Variants in IMMP2L observed in about 807,000 individuals in gnomAD.
IMMP2L encodes inner mitochondrial membrane peptidase subunit 2, also known as mitochondrial inner membrane protease subunit 2.
IMMP2L carries 18 observed loss-of-function variants against 19.3 expected under a neutral mutation model. The ratio of observed to expected loss-of-function variants is 0.93; its 90% CI spans 0.64 to 1.38. IMMP2L has a LOEUF of 1.38. Among genes scored for constraint, IMMP2L ranks in the 40% most tolerant of loss-of-function variants. The pLI is 0.00. For synonymous variants in IMMP2L, 76 were observed against 73.0 expected (o/e 1.04, Z -0.21); for missense variants, 233 against 218.2 (o/e 1.07, Z -0.43).
intron 3 of IMMP2L, among the ~76,000 whole-genome samples, chr7:111,196,513 G>A (rs942047159): frequency 1.3e-5 from 2 of 152,036 alleles, no homozygotes; most frequent in Non-Finnish European, 2.9e-5. Flanking sequence ...GATTATGGAG[G>A]ACACTAAGAG....
chr7:111,260,158 A>G (rs190568610), intron 3 of IMMP2L, among the ~76,000 whole-genome samples: 1 of 152,334 alleles, frequency 6.6e-6, no homozygotes, highest in East Asian at 1.9e-4. Flanking sequence ...GTTATTTGTT[A>G]TCATGATCAA....
chr7:110,750,927 T>C (rs1259040892), intron 5 of IMMP2L, among the ~76,000 whole-genome samples: 2 of 152,074 alleles, frequency 1.3e-5, no homozygotes, highest in Non-Finnish European at 2.9e-5. Flanking sequence ...GAACAAAATA[T>C]TGAAATTTTA....
At chr7:111,222,806 C>A (rs1351703516) in intron 3 of IMMP2L, among the ~76,000 whole-genome samples, 1 of 151,944 alleles carries the variant, frequency 6.6e-6, no homozygotes, top group African/African-American at 2.4e-5. Flanking sequence ...TACCAAAGAC[C>A]TGGCAATTCC....
chr7:110,718,790 T>G (rs537366629), intron 5 of IMMP2L, among the ~76,000 whole-genome samples: 1 of 152,278 alleles, frequency 6.6e-6, no homozygotes, highest in Non-Finnish European at 1.5e-5. Context: ...GAGCCTCAGA[T>G]GCAGATAGAG....
chr7:111,476,118 C>G (rs1056329343), intron 3 of IMMP2L, among the ~76,000 whole-genome samples: 3 of 152,214 alleles, frequency 2.0e-5, no homozygotes, highest in Admixed American at 2.0e-4. Context: ...GTCTGTACCT[C>G]TTATTCTGCA....
At chr7:111,039,431 C>T (rs1791668048) in intron 3 of IMMP2L, among the ~76,000 whole-genome samples, 1 of 152,126 alleles carries the variant, frequency 6.6e-6, no homozygotes, top group African/African-American at 2.4e-5. Flanking sequence ...ATAAATATTA[C>T]ACTTATGACA....
At chr7:111,544,384 T>C (rs1434676855) in intron 1 of IMMP2L, among the ~76,000 whole-genome samples, 1 of 151,956 alleles carries the variant, frequency 6.6e-6, no homozygotes, top group Admixed American at 6.6e-5. Flanking sequence ...ACCCTAGAAC[T>C]TAAAGTATAA....
At chr7:111,164,305 C>T (rs754634786) in intron 3 of IMMP2L, among the ~76,000 whole-genome samples, 5 of 152,002 alleles carry the variant, frequency 3.3e-5, no homozygotes, top group Non-Finnish European at 5.9e-5. Context: ...CAAGGTAGAG[C>T]TCTGGGAAAT....
At position 111,332,560 on chromosome 7, in the gene IMMP2L, CA is replaced by C. The variant is rs1825983421; in HGVS notation, c.239+154677del. The stretch of plus-strand genomic sequence containing the variant: ...AAACTATAAGAGATGCCAGAAGTCC[CA>C]AAAAGAACACTAATAATAGGAGATT... On this transcript the variant is annotated intron_variant, in intron 3 of 5. Transcript: ENST00000405709. 3.3e-5 allele frequency among the ~76,000 whole-genome samples: 5 copies of C among 151,856 alleles called. 1 individual carries two copies. The South Asian group carries it at 1.0e-3, about 32-fold the overall frequency.
chr7:111,210,645 A>C (rs1244567519), intron 3 of IMMP2L, among the ~76,000 whole-genome samples: 1 of 152,178 alleles, frequency 6.6e-6, no homozygotes, highest in Admixed American at 6.5e-5. Context: ...TAGAAAAAAA[A>C]ATACTACATC....
At position 111,539,127 on chromosome 7, in the gene IMMP2L, AAAGAAAAGG is replaced by A. The variant is rs1330870376; in HGVS notation, c.-2-17687_-2-17679del. Among the ~76,000 whole-genome samples the A allele has an allele frequency of 3.1e-4, 39 of 123,986 alleles. 2 individuals are homozygous for A. The highest frequency in any genetic ancestry group is 1.2e-3 in the African/African-American group (37 of 30,460). The allele number at this position is 123,986 out of a possible 152,430, so 81.3% of individuals were successfully genotyped here. On this transcript the variant is annotated intron_variant, in intron 1 of 5. Coordinates refer to ENST00000405709, the MANE Select transcript of IMMP2L (RefSeq NM_032549.4). ...AACAAGACTCCATCTCACAAAAAGAAAAGAAAAGGAAGGAAGGAAGGAAGGAAGGAAGGA... is the reference window on the plus strand; with the variant it reads ...AACAAGACTCCATCTCACAAAAAGAAAAGGAAGGAAGGAAGGAAGGAAGGA...
At chr7:111,398,253 A>C (rs1833067262) in intron 3 of IMMP2L, among the ~76,000 whole-genome samples, 1 of 152,182 alleles carries the variant, frequency 6.6e-6, no homozygotes, top group Non-Finnish European at 1.5e-5. Context: ...ACCTAATCCA[A>C]CAACATATCA....
intron 5 of IMMP2L, among the ~76,000 whole-genome samples, chr7:110,672,604 G>T (rs1791997123): frequency 6.6e-6 from 1 of 152,150 alleles, no homozygotes. Flanking sequence ...AAGCAAGTTA[G>T]TTACGTCCTA....
At chr7:111,329,737 A>T (rs922106180) in intron 3 of IMMP2L, among the ~76,000 whole-genome samples, 1 of 151,928 alleles carries the variant, frequency 6.6e-6, no homozygotes, top group African/African-American at 2.4e-5. Context: ...TTCGAATTAC[A>T]TAAAACAAAA....
chr7:111,402,995 CCCCCCCCCACCCCGCCAG>C (rs1833579505), intron 3 of IMMP2L, among the ~76,000 whole-genome samples: 1 of 92,094 alleles, frequency 1.1e-5, no homozygotes, highest in African/African-American at 4.7e-5. Context: ...GCCTTGACCC[CCCCCCCCCACCCCGCCAG>C]GCTCAGGTGA....
At chr7:111,539,214 GAAAGAAAGAAAGAA>G (rs1848261736) in intron 1 of IMMP2L, among the ~76,000 whole-genome samples, 16 of 94,938 alleles carry the variant, frequency 1.7e-4, no homozygotes, top group Admixed American at 3.1e-4. Flanking sequence ...AAGAAAGAAA[GAAAGAAAGAAAGAA>G]AGAAAGAAAG....
chr7:111,522,502 C>T (rs1344725504), intron 1 of IMMP2L, among the ~76,000 whole-genome samples: 2 of 152,038 alleles, frequency 1.3e-5, no homozygotes, highest in African/African-American at 4.8e-5. Flanking sequence ...AAGAGCTTAA[C>T]AATAATTTCT....
chr7:111,554,631 A>G (rs1444184387), intron 1 of IMMP2L, among the ~76,000 whole-genome samples: 2 of 151,554 alleles, frequency 1.3e-5, no homozygotes, highest in Non-Finnish European at 2.9e-5. Context: ...TATTATTATT[A>G]TTATTATTTG....
rs1284644297 is a variant in IMMP2L at position 111,130,333 on chromosome 7, T to C, written c.240-166768A>G. 2.0e-5 allele frequency among the ~76,000 whole-genome samples: 3 copies of C among 152,114 alleles called. No homozygotes were observed. In the East Asian group the frequency reaches 5.8e-4, roughly 29 times the overall value. The stretch of plus-strand genomic sequence containing the variant: ...CAGAGTAACAGCATAGCAAAAAGAA[T>C]TGTGGTTGACCTTAGTAAGCCTTTT... On this transcript the variant is annotated intron_variant, in intron 3 of 5. Coordinates refer to ENST00000405709, the MANE Select transcript of IMMP2L (RefSeq NM_032549.4).
Sources: gnomAD v4.1 joint callset for allele counts (sites outside exome capture counted in the v4.1 genomes callset) on GRCh38, gnomAD v4.1.1 for gene constraint, MANE v1.5 for transcripts, NCBI Gene and HGNC (gene_info 2026-07-23, HGNC 2026-07-21) for gene names.